SCNM1: variants seen among roughly 807,000 people sequenced by gnomAD.
SCNM1 encodes the protein sodium channel modifier 1.
Under a neutral mutation model 32.8 loss-of-function variants are expected in SCNM1, and 24 were observed. That is an observed-to-expected ratio of 0.73 (90% CI 0.53 to 1.03). SCNM1 has a LOEUF of 1.03. SCNM1 is among the 50% of genes least tolerant of loss of function. The pLI is 0.00. For missense variants in SCNM1, 274 were observed against 282.3 expected, an observed-to-expected ratio of 0.97 and a Z score of 0.21; for synonymous variants, 99 against 103.2, an observed-to-expected ratio of 0.96 and a Z score of 0.25.
chr1:151,167,773 A>G (rs1683775212), intron 5 of SCNM1: 2 of 351,468 alleles, frequency 5.7e-6, no homozygotes, highest in South Asian at 5.5e-5. Context: ...CAGAGGTTGC[A>G]GTGAGCCACG....
Position 151,169,014 on chromosome 1 carries a change from C to T in SCNM1, c.622C>T (p.Arg208Ter), listed in dbSNP as rs149603293. Residue 208 changes from arginine (R) to a stop codon, truncating the protein, a stop_gained, in exon 7 of 7, where the codon CGA becomes TGA. Coordinates refer to ENST00000368905, the MANE Select transcript of SCNM1 (RefSeq NM_024041.4). LOFTEE classifies it high-confidence loss of function. Reference sequence around the variant, plus strand: ...TGGATGGATCCCAGATGGACGAGGTCGATGGGTAAAAGATGAAAATGTTGA... The same window carrying T: ...TGGATGGATCCCAGATGGACGAGGTTGATGGGTAAAAGATGAAAATGTTGA... ...SSGWIPDGRG[R>*]WVKDENVEFD... The T allele has an allele frequency of 4.3e-6, 7 of 1,613,692 alleles. No homozygotes were observed. The highest frequency in any genetic ancestry group is 1.1e-5 in the South Asian group (1 of 91,074).
Position 151,169,247 on chromosome 1 carries a change from T to C in SCNM1, c.*162T>C, listed in dbSNP as rs1204391166. 1.1e-5 allele frequency: 7 copies of C among 632,580 alleles called. No individual in the cohort carries two copies. Among genetic ancestry groups the C allele is most frequent in the South Asian group, 5.6e-5 (2 of 35,896 alleles). 39.2% of individuals were successfully genotyped at this position (632,580 alleles called of 1,614,324 possible). A position where few individuals can be genotyped will look rare whatever the true frequency, so the allele number is the denominator to read the frequency against. On this transcript the variant is annotated 3_prime_UTR_variant, in exon 7 of 7. Transcript: ENST00000368905. ...ACACAGCTCTCCACACTCCTTTTTT[T>C]TTTTTTTTTTTTTTTGAGGCAGAGT...
In SCNM1 at chr1:151,169,178, C is replaced by A; in HGVS notation, c.*93C>A. ...GGTTCCTTGTTGGATCTCAGGATTT[C>A]AGATCTGTTCATTCTCATTCCAACT... On this transcript the variant is annotated 3_prime_UTR_variant, in exon 7 of 7. Transcript: ENST00000368905. The A allele has an allele frequency of 7.1e-7, 1 of 1,411,576 alleles. No homozygotes were observed. Among genetic ancestry groups the A allele is most frequent in the Non-Finnish European group, 9.8e-7 (1 of 1,019,948 alleles). The allele number at this position is 1,411,576 out of a possible 1,614,324, so 87.4% of individuals were successfully genotyped here.
chr1:151,167,200 G>A lies in SCNM1; in HGVS notation c.291G>A (p.Arg97=), dbSNP rs2101701938. 1.2e-6 allele frequency: 2 copies of A among 1,614,164 alleles called. No individual in the cohort carries two copies. Among genetic ancestry groups the A allele is most frequent in the Non-Finnish European group, 1.7e-6 (2 of 1,180,032 alleles). Residue 97 remains arginine (R), a synonymous_variant, in exon 4 of 7, where the codon AGG becomes AGA. Coordinates refer to ENST00000368905, the MANE Select transcript of SCNM1 (RefSeq NM_024041.4). The part of the protein sequence containing the change: ...QNPKHQNELR[R]EETKAEAPLL... ...CAAAACATCAGAATGAATTGAGAAG[G>A]GAAGAAACCAAAGCTGAGGTAATCA...
chr1:151,166,691 C>T, intron 2 of SCNM1, 150 bp downstream of exon 2: 2 of 1,362,714 alleles, frequency 1.5e-6, no homozygotes, highest in Non-Finnish European at 2.0e-6. Flanking sequence ...TCCTCAGCGT[C>T]GCGATTAGCT....
intron 1 of SCNM1, 86 bp downstream of exon 1, chr1:151,166,289 A>G: frequency 6.5e-7 from 1 of 1,548,470 alleles, no homozygotes; most frequent in East Asian, 2.4e-5. Context: ...TCTGGCAACA[A>G]CTCGGGGGTG....
At position 151,168,176 on chromosome 1, in the gene SCNM1, C is replaced by T. The variant is rs373855079; in HGVS notation, c.431C>T (p.Ser144Phe). The T allele has an allele frequency of 1.9e-6, 3 of 1,614,052 alleles. No homozygotes were observed. The highest frequency in any genetic ancestry group is 1.7e-6 in the Non-Finnish European group (2 of 1,179,974). The stretch of plus-strand genomic sequence containing the variant: ...GCCCCTGGTCCCTCTGTCTCCCTTT[C>T]CCCTATGCCACCCTCAGAGGTCAAA... ...PEAPGPSVSL[S>F]PMPPSEVKLQ... The change falls in exon 6 of 7, where the codon TCC (serine) becomes TTC (phenylalanine). Residue 144 changes from serine to phenylalanine, a missense_variant. Transcript: ENST00000368905.
chr1:151,168,034 T>C (rs587726310), intron 5 of SCNM1, 110 bp from the exon 6 acceptor site: 8 of 1,235,662 alleles, frequency 6.5e-6, no homozygotes, highest in Admixed American at 5.3e-5. Flanking sequence ...GCAGAACTTA[T>C]TAATATCTTG....
rs1683892382 is a variant in SCNM1, at chr1:151,169,897, T to C, written c.*812T>C. On this transcript the variant is annotated 3_prime_UTR_variant, in exon 7 of 7. Transcript: ENST00000368905. Reference sequence around the variant, plus strand: ...CCTCCCTGCCTGCTGATCCCCAGAGTATAAATAATCCCCTGGTGAACTGGC... The same window carrying C: ...CCTCCCTGCCTGCTGATCCCCAGAGCATAAATAATCCCCTGGTGAACTGGC... 1 of 645,472 alleles carries C rather than the reference T, an allele frequency of 1.5e-6. No homozygotes were observed. Among genetic ancestry groups the C allele is most frequent in the African/African-American group, 1.8e-5 (1 of 54,386 alleles). 40.0% of individuals were successfully genotyped at this position (645,472 alleles called of 1,614,324 possible).
In SCNM1 at chr1:151,170,292, A is replaced by G; in HGVS notation, c.*1207A>G. 1 of 844,510 alleles carries G rather than the reference A, an allele frequency of 1.2e-6. No individual in the cohort carries two copies. The highest frequency in any genetic ancestry group is 2.7e-5 in the Admixed American group (1 of 37,112). The allele number at this position is 844,510 out of a possible 1,614,324, so 52.3% of individuals were successfully genotyped here. On this transcript the variant is annotated 3_prime_UTR_variant, in exon 7 of 7. Coordinates refer to ENST00000368905, the MANE Select transcript of SCNM1 (RefSeq NM_024041.4). ...CACAAATAAAATTACGATACCTCTAAACAAGTATGATTATCTCTGGCATCC... is the reference window on the plus strand; with the variant it reads ...CACAAATAAAATTACGATACCTCTAGACAAGTATGATTATCTCTGGCATCC...
chr1:151,167,290 T>C, intron 4 of SCNM1, 36 bp from the exon 5 acceptor site: 3 of 1,613,956 alleles, frequency 1.9e-6, no homozygotes, highest in Non-Finnish European at 2.5e-6. Context: ...GGCGGAGGGC[T>C]GAAGGCTCTG....
At chr1:151,167,051 A>G in intron 3 of SCNM1, 29 bp downstream of exon 3, 1 of 1,614,190 alleles carries the variant, frequency 6.2e-7, no homozygotes, top group South Asian at 1.1e-5. Context: ...GGGATGGGGA[A>G]TAAACCCTCG....
At chr1:151,166,344 T>C in intron 1 of SCNM1, 127 bp from the exon 2 acceptor site, 1 of 1,537,552 alleles carries the variant, frequency 6.5e-7, no homozygotes, top group Non-Finnish European at 8.8e-7. Context: ...GACTCCTTTT[T>C]CGGTCTATGA....
At chr1:151,166,239 G>A (rs758106461) in intron 1 of SCNM1, 36 bp downstream of exon 1, 26 of 1,572,586 alleles carry the variant, frequency 1.7e-5, no homozygotes, top group Non-Finnish European at 2.2e-5. Flanking sequence ...AGCCGCTTCA[G>A]TCGCTCCCTG....
At chr1:151,168,022 A>T (rs1005109400) in intron 5 of SCNM1, 122 bp from the exon 6 acceptor site, 2 of 1,136,610 alleles carry the variant, frequency 1.8e-6, no homozygotes, top group Non-Finnish European at 2.4e-6. Context: ...AATCCTTTGT[A>T]TGCAGAACTT....
intron 2 of SCNM1, 126 bp downstream of exon 2, chr1:151,166,667 C>T: frequency 7.0e-7 from 1 of 1,435,538 alleles, no homozygotes; most frequent in Admixed American, 2.4e-5. Flanking sequence ...CTCTAGGGCT[C>T]AAGTGATCCT....
At position 151,167,160 on chromosome 1, in the gene SCNM1, A is replaced by G. The variant is rs1195408414; in HGVS notation, c.251A>G (p.Glu84Gly). 6.2e-7 allele frequency: 1 copy of G among 1,614,086 alleles called. No homozygotes were observed. The highest frequency in any genetic ancestry group is 1.3e-5 in the African/African-American group (1 of 74,914). Residue 84 changes from glutamate (E) to glycine (G), a missense_variant, in exon 4 of 7, where the codon GAA becomes GGA. Transcript: ENST00000368905. ...LFYGKKQPGK[E>G]RKQNPKHQNE... is the part of the protein sequence containing the mutation. ...TATGGCAAGAAGCAGCCGGGAAAGG[A>G]AAGAAAGCAGAATCCAAAACATCAG... is the stretch of plus-strand genomic sequence containing the variant.
In SCNM1 at chr1:151,170,130, G is replaced by A; in HGVS notation, c.*1045G>A. On this transcript the variant is annotated 3_prime_UTR_variant, in exon 7 of 7. Coordinates refer to ENST00000368905, the MANE Select transcript of SCNM1 (RefSeq NM_024041.4). ...TGTAAAGGAGCAATATTAAACATAA[G>A]TGTTTGTTCCAGCTCCTGCTTTCTG... is the stretch of plus-strand genomic sequence containing the variant. 6.2e-7 allele frequency: 1 copy of A among 1,614,008 alleles called. No homozygotes were observed. The highest frequency in any genetic ancestry group is 8.5e-7 in the Non-Finnish European group (1 of 1,179,930).
At chr1:151,168,901 G>A in intron 6 of SCNM1, 85 bp from the exon 7 acceptor site, 2 of 1,476,012 alleles carry the variant, frequency 1.4e-6, no homozygotes, top group South Asian at 1.2e-5. Flanking sequence ...GCCTCCCAGA[G>A]TGCTGGGATT....
Sources: allele counts gnomAD v4.1 joint callset, GRCh38; gene constraint gnomAD v4.1.1; transcripts MANE v1.5; gene names NCBI Gene and HGNC (gene_info 2026-07-23, HGNC 2026-07-21).